The following AFF3 variants were observed in gnomAD, a reference collection of about 807,000 sequenced individuals.
AFF3 encodes the protein AF4/FMR2 family member 3.
AFF3 carries 32 observed loss-of-function variants against 129.7 expected under a neutral mutation model. That is an observed-to-expected ratio of 0.25 (90% CI 0.19 to 0.33). The LOEUF is 0.33. Among genes scored for constraint, AFF3 ranks in the 10% least tolerant of loss-of-function variants. AFF3 has a pLI of 1.00. For synonymous variants in AFF3, 644 were observed against 635.4 expected, an observed-to-expected ratio of 1.01 and a Z score of -0.20; for missense variants, 1,373 against 1,592.0, an observed-to-expected ratio of 0.86 and a Z score of 2.34.
chr2:100,092,255 T>C (rs1689920430), intron 4 of AFF3, among the ~76,000 whole-genome samples: 1 of 151,916 alleles, frequency 6.6e-6, no homozygotes, highest in Admixed American at 6.6e-5. Context: ...ACAAGCTAGA[T>C]AGCCTCAAAG....
At chr2:99,901,400 G>C (rs7598290) in intron 7 of AFF3, among the ~76,000 whole-genome samples, 7,596 of 152,256 alleles carry the variant, frequency 0.05, 668 homozygotes, top group African/African-American at 0.17. Flanking sequence ...CCGCTGTCAA[G>C]TGGGTTCTTC....
chr2:99,586,927 T>G (rs745615428), intron 16 of AFF3, among the ~76,000 whole-genome samples: 1 of 152,164 alleles, frequency 6.6e-6, no homozygotes, highest in Non-Finnish European at 1.5e-5. Flanking sequence ...GTGTAACTAG[T>G]ATCTGGTCTT....
At chr2:100,066,769 G>T (rs887563569) in intron 4 of AFF3, among the ~76,000 whole-genome samples, 1 of 152,188 alleles carries the variant, frequency 6.6e-6, no homozygotes, top group Non-Finnish European at 1.5e-5. Flanking sequence ...GAAGAAATCA[G>T]ATATCCTTTC....
At chr2:99,712,290 C>T (rs1205483782) in intron 11 of AFF3, among the ~76,000 whole-genome samples, 1 of 152,234 alleles carries the variant, frequency 6.6e-6, no homozygotes, top group Non-Finnish European at 1.5e-5. Flanking sequence ...TGGCAGCGTG[C>T]ACCAGAGGAA....
Position 99,727,077 on chromosome 2 carries a change from G to T in AFF3, c.1091C>A (p.Ser364Ter). ...ESPDNGTSNTSMLEDDLKLSS... is the reference protein window; with the variant it reads ...ESPDNGTSNT ...CTGATAGAAAATGAAAGAAACTTAC[G>T]ATGTATTCGATGTGCCATTGTCTGG... is the stretch of plus-strand genomic sequence containing the variant. Residue 364 changes from serine to a stop codon, truncating the protein, a stop_gained and splice_region_variant, in exon 11 of 25, where the codon TCA (serine) becomes TAA (stop). Coordinates refer to ENST00000672756, the MANE Select transcript of AFF3 (RefSeq NM_001386135.1). LOFTEE classifies it high-confidence loss of function. The T allele has an allele frequency of 6.2e-7, 1 of 1,603,828 alleles. No homozygotes were observed.
In AFF3 at chr2:99,829,429, C is replaced by T. The variant is rs187140565; in HGVS notation, c.921+8048G>A. Among the ~76,000 whole-genome samples the T allele has an allele frequency of 2.9e-3, 435 of 152,166 alleles. 3 individuals carry two copies. The highest frequency in any genetic ancestry group is 0.01 in the African/African-American group (417 of 41,508). ...ATCCAGAATCTACAAGGAACTGAAA[C>T]GTATTTACAAGAAAAAAACAACCCC... On this transcript the variant is annotated intron_variant, in intron 8 of 24. Coordinates refer to ENST00000672756, the MANE Select transcript of AFF3 (RefSeq NM_001386135.1).
At chr2:99,658,201 G>A (rs1173979244) in intron 12 of AFF3, among the ~76,000 whole-genome samples, 1 of 152,184 alleles carries the variant, frequency 6.6e-6, no homozygotes, top group African/African-American at 2.4e-5. Flanking sequence ...CTCTATGGAG[G>A]GCATAGAAGA....
chr2:99,607,360 G>A (rs1347250348), intron 13 of AFF3, among the ~76,000 whole-genome samples: 7 of 151,906 alleles, frequency 4.6e-5, no homozygotes, highest in East Asian at 3.9e-4. Context: ...GTAAAACCCC[G>A]TCTCTACTAA....
chr2:99,663,672 C>T (rs1158343562), intron 12 of AFF3, among the ~76,000 whole-genome samples: 2 of 152,158 alleles, frequency 1.3e-5, no homozygotes, highest in Non-Finnish European at 2.9e-5. Context: ...GGGGATAAAC[C>T]ATGTTCATTT....
chr2:99,847,789 G>A (rs549691236), intron 7 of AFF3, among the ~76,000 whole-genome samples: 14 of 152,004 alleles, frequency 9.2e-5, no homozygotes, highest in Non-Finnish European at 1.5e-4. Context: ...AGTTAGCCCC[G>A]GGTGATCCTG....
At chr2:99,729,502 G>A (rs1679634057) in intron 10 of AFF3, among the ~76,000 whole-genome samples, 1 of 152,114 alleles carries the variant, frequency 6.6e-6, no homozygotes, top group Non-Finnish European at 1.5e-5. Flanking sequence ...GGGGGGAAAA[G>A]TAAGCTGGTC....
intron 11 of AFF3, among the ~76,000 whole-genome samples, chr2:99,725,204 A>G: frequency 6.6e-6 from 1 of 151,464 alleles, no homozygotes; most frequent in East Asian, 1.9e-4. Context: ...CGAACTCCTG[A>G]CCTCGTGATC....
chr2:100,108,965 C>T (rs1467392396), intron 2 of AFF3, among the ~76,000 whole-genome samples: 2 of 125,214 alleles, frequency 1.6e-5, no homozygotes, highest in Non-Finnish European at 3.2e-5. Flanking sequence ...CTAAGGAATG[C>T]ACCTTCCCCA....
chr2:100,055,534 T>A (rs1368822334), intron 4 of AFF3, among the ~76,000 whole-genome samples: 2 of 150,838 alleles, frequency 1.3e-5, no homozygotes, highest in African/African-American at 2.4e-5. Context: ...TCTGATTTAG[T>A]TGGAGGGGCT....
intron 20 of AFF3, 28 bp downstream of exon 20, chr2:99,565,459 T>C: frequency 6.2e-7 from 1 of 1,608,066 alleles, no homozygotes; most frequent in Non-Finnish European, 8.5e-7. Flanking sequence ...ACTCCTCCCC[T>C]CATCCAGCAA....
At chr2:100,074,404 C>T (rs1050840058) in intron 4 of AFF3, among the ~76,000 whole-genome samples, 17 of 152,162 alleles carry the variant, frequency 1.1e-4, no homozygotes, top group Admixed American at 2.6e-4. Context: ...CCTGACCTCT[C>T]GCCTACCAAG....
At chr2:99,705,632 G>C (rs1393169862) in intron 11 of AFF3, among the ~76,000 whole-genome samples, 1 of 151,994 alleles carries the variant, frequency 6.6e-6, no homozygotes, top group African/African-American at 2.4e-5. Flanking sequence ...CCAGCACTTT[G>C]GGAGGCCAAG....
At chr2:99,857,489 TC>T (rs1219016889) in intron 7 of AFF3, among the ~76,000 whole-genome samples, 1 of 152,236 alleles carries the variant, frequency 6.6e-6, no homozygotes, top group Non-Finnish European at 1.5e-5. Context: ...TTGCTTTACG[TC>T]CAAGAACTGA....
chr2:99,596,890 CT>C (rs796786465), intron 14 of AFF3, among the ~76,000 whole-genome samples: 5 of 152,052 alleles, frequency 3.3e-5, no homozygotes, highest in African/African-American at 4.8e-5. Flanking sequence ...CTAAATCATA[CT>C]TTTTTTTCCC....
Sources: gnomAD v4.1 joint callset for allele counts (sites outside exome capture counted in the v4.1 genomes callset) on GRCh38, gnomAD v4.1.1 for gene constraint, MANE v1.5 for transcripts, NCBI Gene and HGNC (gene_info 2026-07-23, HGNC 2026-07-21) for gene names.